Variants in JAM3 observed in about 807,000 individuals in gnomAD.
The protein encoded by JAM3 is junctional adhesion molecule C.
JAM3 carries 31 observed loss-of-function variants against 39.4 expected under a neutral mutation model. The ratio of observed to expected loss-of-function variants is 0.79; its 90% confidence interval spans 0.59 to 1.06. The LOEUF (loss-of-function observed/expected upper bound fraction) is 1.06. Among genes scored for constraint, JAM3 ranks in the 50% least tolerant of loss-of-function variants. JAM3 has a pLI of 0.00. For missense variants in JAM3, 455 were observed against 391.4 expected, an observed-to-expected ratio of 1.16 and a Z score of -1.37; for synonymous variants, 182 against 148.7, an observed-to-expected ratio of 1.22 and a Z score of -1.63.
intron 1 of JAM3, among the ~76,000 whole-genome samples, chr11:134,101,294 T>C (rs768924934): frequency 1.3e-4 from 20 of 152,262 alleles, no homozygotes; most frequent in Non-Finnish European, 2.5e-4. Flanking sequence ...TTAACCCAGT[T>C]CTATAATAAT....
At position 134,149,694 on chromosome 11, in the gene JAM3, T is replaced by C. The variant is rs1466677654; in HGVS notation, c.*513T>C. 4.4e-6 allele frequency: 2 copies of C among 456,602 alleles called. No individual in the cohort carries two copies. The highest frequency in any genetic ancestry group is 4.0e-5 in the African/African-American group (2 of 50,132). The allele number at this position is 456,602 out of a possible 1,614,324, so 28.3% of individuals were successfully genotyped here. A position where few individuals can be genotyped will look rare whatever the true frequency, so the allele number is the denominator to read the frequency against. On this transcript the variant is annotated 3_prime_UTR_variant, in exon 9 of 9. Transcript: ENST00000299106. ...ACCACCGCAGTTTCTTCTTAAAGGC[T>C]CTGCTGATCGGTGTTGCAGTGTCCA...
At chr11:134,087,968 G>A (rs1329981435) in intron 1 of JAM3, among the ~76,000 whole-genome samples, 2 of 152,154 alleles carry the variant, frequency 1.3e-5, no homozygotes, top group African/African-American at 2.4e-5. Flanking sequence ...CAATATCCCA[G>A]TTATGGCAGC....
intron 1 of JAM3, 172 bp from the exon 2 acceptor site, chr11:134,139,677 TGA>T: frequency 1.6e-6 from 1 of 642,710 alleles, no homozygotes; most frequent in Non-Finnish European, 2.8e-6. Context: ...AGGTCAGATT[TGA>T]GAGAGAAAGC....
At chr11:134,106,392 C>A (rs1253118779) in intron 1 of JAM3, among the ~76,000 whole-genome samples, 3 of 152,132 alleles carry the variant, frequency 2.0e-5, no homozygotes, top group South Asian at 2.1e-4. Context: ...ACCATAAAAA[C>A]CCTAGAAGAA....
intron 1 of JAM3, among the ~76,000 whole-genome samples, chr11:134,101,740 G>A (rs970942005): frequency 6.6e-6 from 1 of 151,474 alleles, no homozygotes; most frequent in Non-Finnish European, 1.5e-5. Context: ...AGTTTTTATC[G>A]AGTGCTAGCT....
rs748227203 is a variant in JAM3, at chr11:134,069,105, C to G, written c.22C>G (p.Arg8Gly). 8 of 1,612,106 alleles carry G rather than the reference C, an allele frequency of 5.0e-6. No homozygotes were observed. The South Asian group carries it at 7.7e-5, about 16-fold the overall frequency. Residue 8 changes from arginine to glycine, a missense_variant, in exon 1 of 9, where the codon CGA (arginine) becomes GGA (glycine). By Grantham distance (125) the Arg-to-Gly change is moderately radical. Coordinates refer to ENST00000299106, the MANE Select transcript of JAM3 (RefSeq NM_032801.5). MALRRPP[R>G]LRLCARLPDF... is the part of the protein sequence containing the mutation. ...CGACATGGCGCTGAGGCGGCCACCG[C>G]GACTCCGGCTCTGCGCTCGGCTGCC...
At chr11:134,134,629 A>T (rs932384051) in intron 1 of JAM3, among the ~76,000 whole-genome samples, 28 of 152,166 alleles carry the variant, frequency 1.8e-4, no homozygotes, top group African/African-American at 5.8e-4. Flanking sequence ...TCCCATCAGC[A>T]GTGTACAGGG....
Position 134,149,416 on chromosome 11 carries a change from C to A in JAM3, c.*235C>A. The A allele has an allele frequency of 1.6e-6, 1 of 610,586 alleles. No homozygotes were observed. Among genetic ancestry groups the A allele is most frequent in the Non-Finnish European group, 2.9e-6 (1 of 341,306 alleles). 37.8% of individuals were successfully genotyped at this position (610,586 alleles called of 1,614,324 possible). ...AACCACAAGGAAGCGAAACTGGGTG[C>A]GTTCACTGAGTTGGGTTCCTAATCT... On this transcript the variant is annotated 3_prime_UTR_variant, in exon 9 of 9. Coordinates refer to ENST00000299106, the MANE Select transcript of JAM3 (RefSeq NM_032801.5).
At position 134,099,288 on chromosome 11, in the gene JAM3, G is replaced by T. The variant is rs181781597; in HGVS notation, c.76+30129G>T. Among the ~76,000 whole-genome samples, 9 of 152,284 alleles carry T rather than the reference G, an allele frequency of 5.9e-5. No individual in the cohort carries two copies. In the East Asian group the frequency reaches 1.2e-3, roughly 20 times the overall value. The stretch of plus-strand genomic sequence containing the variant: ...ATGAAGGTTTCAGGGAAAAGCCTGG[G>T]CAAGCAGCTCTTGGCCTGGGAAAGG... On this transcript the variant is annotated intron_variant, in intron 1 of 8. Transcript: ENST00000299106.
intron 1 of JAM3, among the ~76,000 whole-genome samples, 184 bp downstream of exon 1, chr11:134,069,343 TGGCTAGGGCGGGGGCCC>T (rs1941449028): frequency 3.3e-5 from 5 of 152,036 alleles, no homozygotes; most frequent in African/African-American, 7.2e-5. Context: ...GACTCGGGCC[TGGCTAGGGCGGGGGCCC>T]TGGGACGCCC....
intron 1 of JAM3, among the ~76,000 whole-genome samples, chr11:134,121,932 C>CT (rs1942541623): frequency 6.6e-6 from 1 of 152,116 alleles, no homozygotes; most frequent in Non-Finnish European, 1.5e-5. Flanking sequence ...GGAGTCAACA[C>CT]TGTCTACCTT....
At position 134,125,681 on chromosome 11, in the gene JAM3, C is replaced by T. The variant is rs145834674; in HGVS notation, c.77-14170C>T. Among the ~76,000 whole-genome samples, 175 of 152,274 alleles carry T rather than the reference C, an allele frequency of 1.1e-3. 1 individual carries two copies. Among genetic ancestry groups the T allele is most frequent in the African/African-American group, 3.6e-3 (151 of 41,560 alleles). ...TCGGTGTTGAGAACGTGCTGTGAGA[C>T]GCAGCACAGAATGTGAGCCCCGACA... On this transcript the variant is annotated intron_variant, in intron 1 of 8. Transcript: ENST00000299106.
At chr11:134,070,775 T>A (rs1941472991) in intron 1 of JAM3, among the ~76,000 whole-genome samples, 1 of 152,250 alleles carries the variant, frequency 6.6e-6, no homozygotes, top group African/African-American at 2.4e-5. Context: ...GGTAGTTTGT[T>A]AATAAAACTA....
In JAM3 at chr11:134,150,721, AC is replaced by A. The variant is rs1449618730; in HGVS notation, c.*1541del. On this transcript the variant is annotated 3_prime_UTR_variant, in exon 9 of 9. Transcript: ENST00000299106. ...AATTGCGAAATCAAGTCTGTCAAGT[AC>A]AATAACATTTTTAAAAGAAAATGGA... 1 of 152,120 alleles carries A rather than the reference AC, an allele frequency of 6.6e-6. No homozygotes were observed. The highest frequency in any genetic ancestry group is 1.5e-5 in the Non-Finnish European group (1 of 68,016). The allele number at this position is 152,120 out of a possible 1,614,324, so 9.4% of individuals were successfully genotyped here.
intron 3 of JAM3, 40 bp downstream of exon 3, chr11:134,140,810 T>G: frequency 6.3e-7 from 1 of 1,584,156 alleles, no homozygotes. Context: ...ACCTTTCCTC[T>G]GTCCATAGAC....
At chr11:134,126,047 C>T (rs1025805189) in intron 1 of JAM3, among the ~76,000 whole-genome samples, 2 of 152,134 alleles carry the variant, frequency 1.3e-5, no homozygotes, top group African/African-American at 2.4e-5. Flanking sequence ...GATTGGCTGG[C>T]TCCTCATATG....
chr11:134,077,242 T>C (rs1336381578), intron 1 of JAM3, among the ~76,000 whole-genome samples: 1 of 152,218 alleles, frequency 6.6e-6, no homozygotes, highest in Admixed American at 6.5e-5. Context: ...TTTTTTTGTA[T>C]GTGTGTTGGC....
chr11:134,070,927 A>G (rs1177691194), intron 1 of JAM3, among the ~76,000 whole-genome samples: 1 of 152,210 alleles, frequency 6.6e-6, no homozygotes, highest in Non-Finnish European at 1.5e-5. Flanking sequence ...ACTAGTTCTA[A>G]TGACAAATAA....
rs117929630 is a variant in JAM3, at chr11:134,128,924, A to G, written c.77-10927A>G. Among the ~76,000 whole-genome samples the G allele has an allele frequency of 6.6e-3, 1,005 of 152,290 alleles. 3 individuals carry two copies. Among genetic ancestry groups the G allele is most frequent in the Non-Finnish European group, 0.011 (722 of 68,022 alleles). ...ATTAGTTTACTAGGAGTTGCCTAAC[A>G]AAATACCATAAAGAGGTGGCTTGAA... On this transcript the variant is annotated intron_variant, in intron 1 of 8. Transcript: ENST00000299106.
Sources: gnomAD v4.1 joint callset for allele counts (sites outside exome capture counted in the v4.1 genomes callset) on GRCh38, gnomAD v4.1.1 for gene constraint, MANE v1.5 for transcripts, NCBI Gene and HGNC (gene_info 2026-07-23, HGNC 2026-07-21) for gene names.